The following DPP10 variants were observed in gnomAD, a reference collection of about 807,000 sequenced individuals.
DPP10 encodes the protein inactive dipeptidyl peptidase 10.
DPP10 carries 33 observed loss-of-function variants against 120.9 expected under a neutral mutation model. That is an observed-to-expected ratio of 0.27 (90% CI 0.21 to 0.37). The LOEUF is 0.37. DPP10 is among the 10% of genes least tolerant of loss of function. The probability of loss-of-function intolerance (pLI) is 1.00; values close to 1 mark genes in which losing one functional copy is unlikely to be tolerated. For missense variants in DPP10, 816 were observed against 942.8 expected, an observed-to-expected ratio of 0.87 and a Z score of 1.76; for synonymous variants, 337 against 326.1, an observed-to-expected ratio of 1.03 and a Z score of -0.36.
At chr2:115,459,938 T>TATATATATATATACACACAC (rs66927327) in intron 3 of DPP10, among the ~76,000 whole-genome samples, 4,200 of 128,462 alleles carry the variant, frequency 0.033, 103 homozygotes, top group Middle Eastern at 0.053. Context: ...TATATATATA[T>TATATATATATATACACACAC]ACACACACAC....
At chr2:115,144,165 A>C (rs948546071) in intron 1 of DPP10, 5 of 152,174 alleles carry the variant, frequency 3.3e-5, no homozygotes, top group African/African-American at 9.7e-5. Flanking sequence ...TATGATCCCC[A>C]TGCTCCCCCA....
chr2:115,453,687 T>A (rs998436877), intron 3 of DPP10, among the ~76,000 whole-genome samples: 5 of 151,616 alleles, frequency 3.3e-5, no homozygotes, highest in African/African-American at 1.2e-4. Context: ...TAGGGAAGAA[T>A]AATATTCTCA....
At chr2:115,112,389 T>A (rs2049270204) in intron 1 of DPP10, among the ~76,000 whole-genome samples, 2 of 152,160 alleles carry the variant, frequency 1.3e-5, no homozygotes, top group African/African-American at 4.8e-5. Context: ...CTTTTACTTC[T>A]TTTTATATGG....
At chr2:115,184,246 T>A (rs17355518) in intron 1 of DPP10, among the ~76,000 whole-genome samples, 3 of 152,176 alleles carry the variant, frequency 2.0e-5, no homozygotes, top group Admixed American at 2.0e-4. Flanking sequence ...CTGAATGATA[T>A]AAACTTTAGC....
At chr2:115,046,409 G>C (rs555985385) in intron 1 of DPP10, among the ~76,000 whole-genome samples, 1 of 152,002 alleles carries the variant, frequency 6.6e-6, no homozygotes, top group Non-Finnish European at 1.5e-5. Context: ...ACAACCCCTG[G>C]GCATTTTTAA....
At chr2:115,106,552 C>T (rs901057480) in intron 1 of DPP10, among the ~76,000 whole-genome samples, 1 of 152,182 alleles carries the variant, frequency 6.6e-6, no homozygotes, top group African/African-American at 2.4e-5. Context: ...CCTCAATTTC[C>T]CAGGCTCAAG....
chr2:115,320,407 G>GT (rs938600534), intron 2 of DPP10, among the ~76,000 whole-genome samples: 5 of 150,704 alleles, frequency 3.3e-5, no homozygotes, highest in Non-Finnish European at 4.4e-5. Flanking sequence ...CCTTTTACGT[G>GT]TTTTTTTTCT....
chr2:114,736,370 C>T (rs1677438114), intron 1 of DPP10, among the ~76,000 whole-genome samples: 1 of 152,018 alleles, frequency 6.6e-6, no homozygotes, highest in Non-Finnish European at 1.5e-5. Context: ...TAGCATGATT[C>T]CTCGCTTATT....
intron 3 of DPP10, among the ~76,000 whole-genome samples, chr2:115,380,619 C>G (rs1284112182): frequency 1.4e-5 from 2 of 145,472 alleles, no homozygotes; most frequent in African/African-American, 4.9e-5. Flanking sequence ...TTATTTTGCT[C>G]GTTAGTTGAT....
intron 3 of DPP10, among the ~76,000 whole-genome samples, chr2:115,393,604 A>C (rs1011670993): frequency 6.6e-6 from 1 of 152,188 alleles, no homozygotes; most frequent in African/African-American, 2.4e-5. Context: ...GGGCCAATAC[A>C]GTTTTCTGGC....
intron 1 of DPP10, among the ~76,000 whole-genome samples, chr2:115,196,625 A>C (rs1014893450): frequency 5.9e-5 from 9 of 152,198 alleles, no homozygotes; most frequent in Non-Finnish European, 1.2e-4. Context: ...GTGGGTAACT[A>C]TAACCATAAA....
intron 1 of DPP10, among the ~76,000 whole-genome samples, chr2:115,154,046 T>C (rs1391191407): frequency 2.0e-5 from 3 of 152,196 alleles, no homozygotes; most frequent in African/African-American, 4.8e-5. Context: ...CAAAAATAAC[T>C]ATCTTCTGAG....
intron 7 of DPP10, among the ~76,000 whole-genome samples, chr2:115,706,600 G>C (rs765312042): frequency 4.6e-5 from 7 of 152,060 alleles, no homozygotes; most frequent in Non-Finnish European, 7.4e-5. Flanking sequence ...CTGTATCATT[G>C]CAACTAAGCG....
chr2:115,676,953 T>C (rs917762814), intron 5 of DPP10, among the ~76,000 whole-genome samples: 1 of 152,004 alleles, frequency 6.6e-6, no homozygotes. Context: ...AAGACACCTA[T>C]GAGGAAATGT....
At chr2:115,627,106 G>A (rs1156775890) in intron 5 of DPP10, among the ~76,000 whole-genome samples, 1 of 152,034 alleles carries the variant, frequency 6.6e-6, no homozygotes, top group Non-Finnish European at 1.5e-5. Context: ...AGAATAACAT[G>A]TTGAATTACA....
chr2:115,643,503 A>T (rs2086960202), intron 5 of DPP10, among the ~76,000 whole-genome samples: 1 of 152,184 alleles, frequency 6.6e-6, no homozygotes, highest in Admixed American at 6.5e-5. Context: ...ATTAAAGAGG[A>T]GCCCACGATA....
At chr2:114,469,539 C>A (rs1366825152) in intron 1 of DPP10, among the ~76,000 whole-genome samples, 1 of 152,016 alleles carries the variant, frequency 6.6e-6, no homozygotes, top group East Asian at 1.9e-4. Context: ...ACCAGGTTGG[C>A]CAACATGGCA....
At chr2:114,752,346 G>A (rs538086911) in intron 1 of DPP10, among the ~76,000 whole-genome samples, 22 of 152,228 alleles carry the variant, frequency 1.4e-4, no homozygotes, top group Non-Finnish European at 2.4e-4. Flanking sequence ...GTTGAAGAAC[G>A]TCTCCCAACC....
intron 1 of DPP10, among the ~76,000 whole-genome samples, chr2:115,244,161 C>G (rs2058413266): frequency 1.4e-5 from 2 of 145,156 alleles, no homozygotes; most frequent in African/African-American, 5.1e-5. Flanking sequence ...ATATTAGTTC[C>G]AGAACTGAAA....
Sources: gnomAD v4.1 joint callset for allele counts (sites outside exome capture counted in the v4.1 genomes callset) on GRCh38, gnomAD v4.1.1 for gene constraint, MANE v1.5 for transcripts, NCBI Gene and HGNC (gene_info 2026-07-23, HGNC 2026-07-21) for gene names.